Variants in RELN observed in about 807,000 individuals in gnomAD.
RELN encodes reelin.
In RELN, 108 loss-of-function variants were observed where a neutral mutation model predicts 427.6. The observed-to-expected ratio is 0.25, with a 90% CI of 0.22 to 0.30. The LOEUF (loss-of-function observed/expected upper bound fraction) is 0.30. RELN is among the 10% of genes least tolerant of loss of function. The pLI, the probability that RELN is intolerant of heterozygous loss-of-function variation, is 1.00. For synonymous variants in RELN, 1,524 were observed against 1,513.4 expected, an observed-to-expected ratio of 1.01 and a Z score of -0.16; for missense variants, 3,715 against 4,302.8, an observed-to-expected ratio of 0.86 and a Z score of 3.82.
At chr7:103,658,133 A>G (rs1436593741) in intron 12 of RELN, among the ~76,000 whole-genome samples, 1 of 152,132 alleles carries the variant, frequency 6.6e-6, no homozygotes, top group African/African-American at 2.4e-5. Context: ...TTCTGGTTCT[A>G]AGAACAGTGC....
intron 2 of RELN, among the ~76,000 whole-genome samples, chr7:103,907,284 T>C (rs1795228981): frequency 6.7e-6 from 1 of 149,474 alleles, no homozygotes; most frequent in South Asian, 2.2e-4. Context: ...GGCATGGTGG[T>C]GCACACCTGT....
At chr7:103,531,186 G>A (rs1388547267) in intron 46 of RELN, among the ~76,000 whole-genome samples, 1 of 152,158 alleles carries the variant, frequency 6.6e-6, no homozygotes, top group Non-Finnish European at 1.5e-5. Flanking sequence ...ATTTTCATAT[G>A]GTGAAAAGGA....
chr7:103,673,910 T>C (rs1243113264), intron 11 of RELN, among the ~76,000 whole-genome samples: 1 of 92,444 alleles, frequency 1.1e-5, no homozygotes, highest in African/African-American at 4.4e-5. Flanking sequence ...CCACTATACC[T>C]TTCTCCTCCT....
At chr7:103,740,450 T>C (rs1790613356) in intron 6 of RELN, among the ~76,000 whole-genome samples, 1 of 152,230 alleles carries the variant, frequency 6.6e-6, no homozygotes, top group Non-Finnish European at 1.5e-5. Context: ...ACCACATAAA[T>C]TTTTAAATTT....
At chr7:103,737,434 C>T (rs1432570708) in intron 6 of RELN, among the ~76,000 whole-genome samples, 1 of 152,180 alleles carries the variant, frequency 6.6e-6, no homozygotes, top group Non-Finnish European at 1.5e-5. Context: ...CACTTGGCTA[C>T]TAAATGGAGG....
At position 103,503,086 on chromosome 7, in the gene RELN, G is replaced by C. The variant is rs748028431; in HGVS notation, c.8419C>G (p.Pro2807Ala). 1 of 1,614,146 alleles carries C rather than the reference G, an allele frequency of 6.2e-7. No individual in the cohort carries two copies. The highest frequency in any genetic ancestry group is 1.3e-5 in the African/African-American group (1 of 75,028). ...CCTTTAGTTGGAAAGAATACAGATGGCTGAGAAACACTTCCAGAGCATTTT... is the reference window on the plus strand; with the variant it reads ...CCTTTAGTTGGAAAGAATACAGATGCCTGAGAAACACTTCCAGAGCATTTT... ...DPKCSGSVSQPSVFFPTKGWK... is the reference protein window; with the variant it reads ...DPKCSGSVSQASVFFPTKGWK... The change falls in exon 52 of 65, where the codon CCA becomes GCA. Residue 2807 changes from proline (P) to alanine (A), a missense_variant. This residue lies in a region of RELN where 1,310 missense variants were observed against 1,643.0 expected (regional missense o/e 0.80). Transcript: ENST00000428762.
At chr7:103,903,733 C>T (rs1795133894) in intron 2 of RELN, among the ~76,000 whole-genome samples, 1 of 151,880 alleles carries the variant, frequency 6.6e-6, no homozygotes, top group African/African-American at 2.4e-5. Context: ...TGATTCTGAG[C>T]ATATTCATTT....
intron 2 of RELN, among the ~76,000 whole-genome samples, chr7:103,896,372 G>A (rs1391859740): frequency 6.6e-6 from 1 of 152,062 alleles, no homozygotes; most frequent in Non-Finnish European, 1.5e-5. Context: ...GTTCACAGCA[G>A]CTGTATGCAT....
chr7:103,598,554 T>C (rs746009582), intron 24 of RELN, among the ~76,000 whole-genome samples: 50 of 152,218 alleles, frequency 3.3e-4, no homozygotes, highest in Non-Finnish European at 6.0e-4. Flanking sequence ...AATCCAGTTA[T>C]CACAATTAGT....
intron 51 of RELN, among the ~76,000 whole-genome samples, chr7:103,503,976 C>T (rs7795636): frequency 0.063 from 9,487 of 150,276 alleles, 361 homozygotes; most frequent in African/African-American, 0.09. Context: ...GAGGCCGAGA[C>T]GGGTGGATCA....
chr7:103,578,328 A>T (rs759908102), intron 28 of RELN, among the ~76,000 whole-genome samples: 25 of 152,140 alleles, frequency 1.6e-4, no homozygotes, highest in Admixed American at 1.3e-4. Context: ...GCTTATTTAG[A>T]TTTAAAAAAG....
chr7:103,576,229 C>T (rs975282214), intron 28 of RELN, among the ~76,000 whole-genome samples: 14 of 151,814 alleles, frequency 9.2e-5, no homozygotes, highest in African/African-American at 2.7e-4. Flanking sequence ...GGCGAGACTC[C>T]GTCTCAAAAA....
intron 3 of RELN, among the ~76,000 whole-genome samples, chr7:103,829,201 T>G (rs996701593): frequency 6.6e-6 from 1 of 151,994 alleles, no homozygotes; most frequent in Non-Finnish European, 1.5e-5. Flanking sequence ...TTATTAATGT[T>G]GTAGTTGTTA....
rs923313181 is a variant in RELN at position 103,918,857 on chromosome 7, G to A, written c.227-1672C>T. ...AGAGTGCAAGACAGATCAATGCAGAGAGAAACTGACTAAAAGACCAGCCAA... is the reference window on the plus strand; with the variant it reads ...AGAGTGCAAGACAGATCAATGCAGAAAGAAACTGACTAAAAGACCAGCCAA... On this transcript the variant is annotated intron_variant, in intron 1 of 64. Coordinates refer to ENST00000428762, the MANE Select transcript of RELN (RefSeq NM_005045.4). 6.6e-5 allele frequency among the ~76,000 whole-genome samples: 10 copies of A among 152,244 alleles called. No individual in the cohort carries two copies. In the East Asian group the frequency reaches 1.4e-3, roughly 21 times the overall value.
rs573510714 is a variant in RELN at position 103,498,237 on chromosome 7, G to A, written c.8683C>T (p.Arg2895Cys). 27 of 1,613,748 alleles carry A rather than the reference G, an allele frequency of 1.7e-5. No individual in the cohort carries two copies. Among genetic ancestry groups the A allele is most frequent in the African/African-American group, 5.3e-5 (4 of 74,954 alleles). ...GGTTTGATTTCTTCACTGTCAAAGC[G>A]TTCCTTCAGGAAAGTCTGGAAATAA... ...THTLKTFLKE[R>C]FDSEEIKPDL... Residue 2895 changes from arginine to cysteine, a missense_variant, in exon 54 of 65, where the codon CGC (arginine) becomes TGC (cysteine). Coordinates refer to ENST00000428762, the MANE Select transcript of RELN (RefSeq NM_005045.4).
intron 2 of RELN, among the ~76,000 whole-genome samples, chr7:103,890,735 G>C (rs2116589905): frequency 6.6e-6 from 1 of 152,312 alleles, no homozygotes; most frequent in East Asian, 1.9e-4. Flanking sequence ...TAGGACCCCA[G>C]AGTCCTGTCC....
At chr7:103,756,957 G>A (rs694894) in intron 4 of RELN, among the ~76,000 whole-genome samples, 72,871 of 151,998 alleles carry the variant, frequency 0.48, 20,684 homozygotes, top group African/African-American at 0.8. Context: ...ATCATTTCTC[G>A]ATAAATGACC....
At chr7:103,985,751 A>G (rs1797084548) in intron 1 of RELN, among the ~76,000 whole-genome samples, 1 of 152,184 alleles carries the variant, frequency 6.6e-6, no homozygotes, top group Non-Finnish European at 1.5e-5. Flanking sequence ...AATGGATGGT[A>G]GATACCTGAT....
chr7:103,535,384 T>C lies in RELN; in HGVS notation c.7281A>G (p.Gln2427=), dbSNP rs1830026530. 2.5e-6 allele frequency: 4 copies of C among 1,614,088 alleles called. No individual in the cohort carries two copies. The highest frequency in any genetic ancestry group is 1.1e-5 in the South Asian group (1 of 91,086). The change falls in exon 46 of 65, where the codon CAA becomes CAG. Residue 2427 remains glutamine (Q), a synonymous_variant. Transcript: ENST00000428762. ...TNVECSRYHL[Q]RILVSDTFNK... ...TGAAAGTGTCTGACACCAGGATCCG[T>C]TGCAGATGATAGCGACTGCATTCCA... is the stretch of plus-strand genomic sequence containing the variant.
Sources: allele counts gnomAD v4.1 joint callset (sites outside exome capture counted in the v4.1 genomes callset), GRCh38; gene constraint gnomAD v4.1.1; regional missense constraint gnomAD v4.1.1; transcripts MANE v1.5; gene names NCBI Gene and HGNC (gene_info 2026-07-23, HGNC 2026-07-21).